The following LETMD1 variants were observed in gnomAD, a reference collection of about 807,000 sequenced individuals.
LETMD1 encodes LETM1 domain-containing protein 1.
In LETMD1, 30 loss-of-function variants were observed where a neutral mutation model predicts 43.9. The ratio of observed to expected loss-of-function variants is 0.68; its 90% CI spans 0.51 to 0.93. The LOEUF is 0.93. Ranked by LOEUF, LETMD1 falls within the 40% of genes least tolerant of loss-of-function variation. The pLI, the probability that LETMD1 is intolerant of heterozygous loss-of-function variation, is 0.00. For missense variants in LETMD1, 413 were observed against 447.7 expected (o/e 0.92, Z 0.70); for synonymous variants, 176 against 163.1 (o/e 1.08, Z -0.60).
At chr12:51,060,954 T>C (rs1287140406), downstream of LETMD1, among the ~76,000 whole-genome samples, 1 of 131,338 alleles carries the variant, frequency 7.6e-6, no homozygotes, top group South Asian at 2.5e-4. Flanking sequence ...GAGCCCAGAG[T>C]AGGGACAGGG....
downstream of LETMD1, chr12:51,063,854 G>A (rs1407768475): frequency 3.1e-6 from 5 of 1,614,108 alleles, no homozygotes; most frequent in East Asian, 4.5e-5. Context: ...TGCGGAAGGG[G>A]AGGCTTGAGG....
rs145782522 is a variant in LETMD1, at chr12:51,053,802, C to T, written c.415C>T (p.Leu139Phe). 6.9e-5 allele frequency: 111 copies of T among 1,613,354 alleles called. No individual in the cohort carries two copies. Among genetic ancestry groups the T allele is most frequent in the Admixed American group, 1.0e-4 (6 of 59,862 alleles). The change falls in exon 4 of 9, where the codon CTT becomes TTT. Residue 139 changes from leucine (L) to phenylalanine (F), a missense_variant. Transcript: ENST00000262055. ...GTTCCGCCAAGACGTCACCAAGTGTCTTTTCCTAGGTATTATTTCCATTCC... is the reference window on the plus strand; with the variant it reads ...GTTCCGCCAAGACGTCACCAAGTGTTTTTTCCTAGGTATTATTTCCATTCC... ...RQFRQDVTKC[L>F]FLGIISIPPF...
At chr12:51,061,241 T>C (rs969287596), downstream of LETMD1, 1 of 152,592 alleles carries the variant, frequency 6.6e-6, no homozygotes, top group African/African-American at 2.4e-5. Context: ...CATTTAAATA[T>C]TCTCTTTAAA....
chr12:51,051,424 C>T (rs1474190452), intron 2 of LETMD1, among the ~76,000 whole-genome samples: 4 of 149,342 alleles, frequency 2.7e-5, no homozygotes, highest in African/African-American at 9.9e-5. Context: ...ATAAGTGTTC[C>T]AGGCCGGGCG....
At chr12:51,052,283 T>G in intron 3 of LETMD1, 76 bp downstream of exon 3, 1 of 1,558,108 alleles carries the variant, frequency 6.4e-7, no homozygotes, top group Non-Finnish European at 8.7e-7. Context: ...GGTTTTTTCT[T>G]TCATTTGTTG....
At chr12:51,061,269 G>A (rs925761481), downstream of LETMD1, 1 of 152,468 alleles carries the variant, frequency 6.6e-6, no homozygotes, top group Non-Finnish European at 1.5e-5. Context: ...TTATCACAAT[G>A]TAAAGAACCT....
chr12:51,059,213 GA>G, intron 8 of LETMD1, 147 bp from the exon 9 acceptor site: 1 of 651,936 alleles, frequency 1.5e-6, no homozygotes, highest in Non-Finnish European at 2.8e-6. Flanking sequence ...TACAGGGGCT[GA>G]AACAAAGAAG....
At chr12:51,067,547 G>C in the LETMD1 span, 1 of 861,276 alleles carries the variant, frequency 1.2e-6, no homozygotes, top group Non-Finnish European at 1.8e-6. The surrounding 1 kb of genome is among the most constrained non-coding windows in gnomAD (Gnocchi z 4.1). Flanking sequence ...GAGGGTTGTG[G>C]AACTGGAGAG....
At chr12:51,060,804 A>G (rs976895171), downstream of LETMD1, among the ~76,000 whole-genome samples, 7 of 149,256 alleles carry the variant, frequency 4.7e-5, no homozygotes, top group South Asian at 8.7e-4. Flanking sequence ...CAGGAGGCTG[A>G]GGCAGGAGAA....
intron 6 of LETMD1, 43 bp from the exon 7 acceptor site, chr12:51,056,307 C>T: frequency 6.2e-7 from 1 of 1,613,784 alleles, no homozygotes; most frequent in Non-Finnish European, 8.5e-7. Context: ...TTTGCTTGAG[C>T]TCATACTATT....
chr12:51,063,632 C>T (rs1444167671), downstream of LETMD1: 1 of 830,260 alleles, frequency 1.2e-6, no homozygotes, highest in Non-Finnish European at 1.8e-6. Context: ...CCCAAAGACC[C>T]CAATAAAATA....
intron 2 of LETMD1, 28 bp downstream of exon 2, chr12:51,049,213 C>G: frequency 6.3e-7 from 1 of 1,594,080 alleles, no homozygotes; most frequent in African/African-American, 1.3e-5. Context: ...ATAGAAATTC[C>G]GGAATCAGCT....
chr12:51,055,754 A>G (rs1276024820), intron 4 of LETMD1, 81 bp from the exon 5 acceptor site: 7 of 885,154 alleles, frequency 7.9e-6, no homozygotes, highest in East Asian at 7.5e-5. Flanking sequence ...CCTAGTATTC[A>G]TGTCTACCAA....
chr12:51,055,998 C>T lies in LETMD1; in HGVS notation c.637C>T (p.Arg213Cys), dbSNP rs141181586. 5.0e-5 allele frequency: 80 copies of T among 1,613,876 alleles called. No homozygotes were observed. The highest frequency in any genetic ancestry group is 3.1e-4 in the African/African-American group (23 of 75,028). ...PLISDAGLRW[R>C]LTDLCTKIQR... ...CATTTCTGATGCAGGACTCCGGTGGCGTCTGACAGATCTGTGCACCAAGGT... is the reference window on the plus strand; with the variant it reads ...CATTTCTGATGCAGGACTCCGGTGGTGTCTGACAGATCTGTGCACCAAGGT... Residue 213 changes from arginine (R) to cysteine (C), a missense_variant, in exon 5 of 9, where the codon CGT (arginine) becomes TGT (cysteine). Coordinates refer to ENST00000262055, the MANE Select transcript of LETMD1 (RefSeq NM_015416.5).
downstream of LETMD1, among the ~76,000 whole-genome samples, chr12:51,064,912 A>C (rs915513276): frequency 6.6e-6 from 1 of 152,232 alleles, no homozygotes; most frequent in Non-Finnish European, 1.5e-5. Context: ...AGAATCATTT[A>C]TCTCTCTAGG....
intron 3 of LETMD1, among the ~76,000 whole-genome samples, chr12:51,052,903 T>C (rs997727861): frequency 6.6e-6 from 1 of 150,536 alleles, no homozygotes; most frequent in African/African-American, 2.4e-5. Flanking sequence ...GTCAGGAGCT[T>C]GAGACCAGCC....
At chr12:51,068,196 C>T in the LETMD1 span, among the ~76,000 whole-genome samples, 15 of 152,218 alleles carry the variant, frequency 9.9e-5, no homozygotes, top group African/African-American at 2.9e-4. Flanking sequence ...CTCATTCTGT[C>T]GTCCAGGCGG....
At chr12:51,064,002 A>G (rs1937840066), downstream of LETMD1, 1 of 1,614,014 alleles carries the variant, frequency 6.2e-7, no homozygotes, top group Non-Finnish European at 8.5e-7. Flanking sequence ...ACAAGCCACG[A>G]GTGAGGTAAC....
At chr12:51,064,008 G>GT, downstream of LETMD1, 1 of 1,614,218 alleles carries the variant, frequency 6.2e-7, no homozygotes, top group Non-Finnish European at 8.5e-7. Flanking sequence ...CACGAGTGAG[G>GT]TAACAGGGAG....
Sources: allele counts gnomAD v4.1 joint callset (sites outside exome capture counted in the v4.1 genomes callset), GRCh38; gene constraint gnomAD v4.1.1; non-coding constraint Gnocchi (gnomAD v3.1); transcripts MANE v1.5; gene names NCBI Gene and HGNC (gene_info 2026-07-23, HGNC 2026-07-21).